Variants in ARL15 observed in about 807,000 individuals in gnomAD.
ARL15 encodes ARF like GTPase 15.
In ARL15, 19 loss-of-function variants were observed where a neutral mutation model predicts 25.2. That is an observed-to-expected ratio of 0.75 (90% CI 0.53 to 1.10). ARL15 has a LOEUF of 1.10. Among genes scored for constraint, ARL15 ranks in the 50% least tolerant of loss-of-function variants. ARL15 has a pLI of 0.00. For synonymous variants in ARL15, 94 were observed against 86.8 expected (o/e 1.08, Z -0.46); for missense variants, 220 against 246.0 (o/e 0.89, Z 0.71).
intron 1 of ARL15, among the ~76,000 whole-genome samples, chr5:54,214,941 G>A (rs557674206): frequency 3.9e-5 from 6 of 152,214 alleles, no homozygotes; most frequent in Admixed American, 6.5e-5. Context: ...TTCCCACCGC[G>A]TTGGGGCAGC....
intron 4 of ARL15, among the ~76,000 whole-genome samples, chr5:54,038,598 G>C (rs1750241374): frequency 6.6e-6 from 1 of 152,124 alleles, no homozygotes; most frequent in East Asian, 1.9e-4. Flanking sequence ...CAAAATTAGA[G>C]TGATATAAAT....
chr5:54,026,478 C>G (rs1240990695), intron 4 of ARL15, among the ~76,000 whole-genome samples: 1 of 152,172 alleles, frequency 6.6e-6, no homozygotes, highest in Non-Finnish European at 1.5e-5. Context: ...CTATGTTGGC[C>G]AGGCTGGTCT....
At chr5:54,134,410 A>T (rs1352818904) in intron 3 of ARL15, among the ~76,000 whole-genome samples, 1 of 152,104 alleles carries the variant, frequency 6.6e-6, no homozygotes, top group Non-Finnish European at 1.5e-5. Flanking sequence ...TTGTGCCAAC[A>T]TGAAAGGGGC....
chr5:53,996,618 TAAAA>T (rs529752025), intron 4 of ARL15, among the ~76,000 whole-genome samples: 13,145 of 98,682 alleles, frequency 0.13, 575 homozygotes, highest in Non-Finnish European at 0.15. Flanking sequence ...GACTGTCTCA[TAAAA>T]AAAAAAAAAA....
chr5:54,302,290 T>C (rs548615494), intron 1 of ARL15, among the ~76,000 whole-genome samples: 2 of 152,326 alleles, frequency 1.3e-5, no homozygotes, highest in Non-Finnish European at 2.9e-5. Flanking sequence ...CTCATGGCCA[T>C]GGGCTTAGAA....
intron 4 of ARL15, among the ~76,000 whole-genome samples, chr5:53,889,109 G>C (rs964674216): frequency 6.6e-6 from 1 of 151,906 alleles, no homozygotes; most frequent in Non-Finnish European, 1.5e-5. Context: ...AAGAGGGCTG[G>C]TCACAAGAAA....
At chr5:53,928,726 G>T (rs990557855) in intron 4 of ARL15, among the ~76,000 whole-genome samples, 3 of 152,140 alleles carry the variant, frequency 2.0e-5, no homozygotes, top group African/African-American at 7.2e-5. Context: ...CCAGGAAGTG[G>T]CTGTCGGGTG....
At chr5:54,253,101 C>A (rs1561283999) in intron 1 of ARL15, among the ~76,000 whole-genome samples, 2 of 151,982 alleles carry the variant, frequency 1.3e-5, no homozygotes, top group Non-Finnish European at 2.9e-5. Context: ...ACCAGGAATT[C>A]TCATTGTCTT....
rs548742981 is a variant in ARL15, at chr5:53,887,365, T to G, written c.463-652A>C. 523 of 701,186 alleles carry G rather than the reference T, an allele frequency of 7.5e-4. 2 individuals are homozygous for G. The highest frequency in any genetic ancestry group is 7.4e-3 in the African/African-American group (426 of 57,300). The allele number at this position is 701,186 out of a possible 1,614,324, so 43.4% of individuals were successfully genotyped here. On this transcript the variant is annotated intron_variant, in intron 4 of 4. Transcript: ENST00000504924. Reference sequence around the variant, plus strand: ...GTAAAATCTTCTACCTTTTTTTTTCTTTTTCAGTCCTGAATTTTCTAGGAT... The same window carrying G: ...GTAAAATCTTCTACCTTTTTTTTTCGTTTTCAGTCCTGAATTTTCTAGGAT...
intron 1 of ARL15, among the ~76,000 whole-genome samples, chr5:54,196,052 T>C (rs1183356554): frequency 6.6e-6 from 1 of 152,180 alleles, no homozygotes; most frequent in African/African-American, 2.4e-5. Flanking sequence ...CCTGACTCTT[T>C]TTAATGTCAG....
In ARL15 at chr5:54,036,401, T is replaced by C. The variant is rs10052796; in HGVS notation, c.462+76801A>G. Among the ~76,000 whole-genome samples the C allele has an allele frequency of 8.3e-3, 1,264 of 152,274 alleles. 23 individuals carry two copies. The highest frequency in any genetic ancestry group is 0.029 in the African/African-American group (1,208 of 41,552). On this transcript the variant is annotated intron_variant, in intron 4 of 4. Coordinates refer to ENST00000504924, the MANE Select transcript of ARL15 (RefSeq NM_019087.3). ...GAAATGCTTTTTATTTAAAATCAGA[T>C]TTAAAAGATATAGTCCATCCAATTT...
At chr5:54,080,010 C>CACACACATAT (rs775031344) in intron 4 of ARL15, among the ~76,000 whole-genome samples, 20,730 of 144,578 alleles carry the variant, frequency 0.14, 2,023 homozygotes, top group African/African-American at 0.22. Context: ...CACACACACA[C>CACACACATAT]ACACACAGAC....
intron 1 of ARL15, among the ~76,000 whole-genome samples, chr5:54,183,590 A>G (rs1244833403): frequency 6.6e-6 from 1 of 151,204 alleles, no homozygotes; most frequent in African/African-American, 2.4e-5. Flanking sequence ...ATGTTCATCA[A>G]GGATATTGGT....
intron 3 of ARL15, among the ~76,000 whole-genome samples, chr5:54,152,633 C>T (rs1371560044): frequency 6.6e-6 from 1 of 152,184 alleles, no homozygotes; most frequent in Non-Finnish European, 1.5e-5. Context: ...ATGCCAAAAA[C>T]TTATGTATCA....
At chr5:54,239,862 C>T (rs562992080) in intron 1 of ARL15, among the ~76,000 whole-genome samples, 21 of 152,278 alleles carry the variant, frequency 1.4e-4, no homozygotes, top group African/African-American at 4.8e-4. Context: ...ACCTGCAAGT[C>T]TGTTTCCCTG....
intron 3 of ARL15, among the ~76,000 whole-genome samples, chr5:54,137,945 C>T (rs1753655945): frequency 6.6e-6 from 1 of 151,626 alleles, no homozygotes; most frequent in Non-Finnish European, 1.5e-5. Flanking sequence ...TGACTAATCA[C>T]TTACAAAAGA....
intron 1 of ARL15, among the ~76,000 whole-genome samples, chr5:54,270,036 C>A (rs1007766505): frequency 1.3e-5 from 2 of 152,122 alleles, no homozygotes; most frequent in African/African-American, 4.8e-5. Context: ...ATAAAATATA[C>A]GAAACCTGCT....
chr5:54,066,974 C>T (rs887742873), intron 4 of ARL15, among the ~76,000 whole-genome samples: 1 of 152,100 alleles, frequency 6.6e-6, no homozygotes, highest in Non-Finnish European at 1.5e-5. Context: ...CTTCTAAGTA[C>T]TTCTTAGATT....
intron 4 of ARL15, among the ~76,000 whole-genome samples, chr5:53,944,376 C>A (rs535385541): frequency 6.6e-6 from 1 of 151,990 alleles, no homozygotes; most frequent in East Asian, 1.9e-4. Flanking sequence ...TTTGGGAGGC[C>A]GAGGCAGGAG....
Sources: gnomAD v4.1 joint callset for allele counts (sites outside exome capture counted in the v4.1 genomes callset) on GRCh38, gnomAD v4.1.1 for gene constraint, MANE v1.5 for transcripts, NCBI Gene and HGNC (gene_info 2026-07-23, HGNC 2026-07-21) for gene names.